Variants in GCA observed in about 807,000 individuals in gnomAD.
The protein encoded by GCA is grancalcin.
Under a neutral mutation model 32.6 loss-of-function variants are expected in GCA, and 30 were observed. The observed-to-expected ratio is 0.92, with a 90% CI of 0.69 to 1.25. GCA has a LOEUF of 1.25. Ranked by LOEUF, GCA falls within the 50% of genes most tolerant of loss-of-function variation. The pLI is 0.00. For missense variants in GCA, 291 were observed against 266.8 expected, an observed-to-expected ratio of 1.09 and a Z score of -0.63; for synonymous variants, 102 against 84.6, an observed-to-expected ratio of 1.21 and a Z score of -1.13.
rs1424586458 is a variant in GCA at position 162,359,047 on chromosome 2, A to G, written c.458A>G (p.Tyr153Cys). The change falls in exon 6 of 8, where the codon TAT becomes TGT. Residue 153 changes from tyrosine (Y) to cysteine (C), a missense_variant. By Grantham distance (194) the Tyr-to-Cys change is radical (BLOSUM62 -2). Coordinates refer to ENST00000437150, the MANE Select transcript of GCA (RefSeq NM_012198.5). Reference protein sequence around the residue: ...ELRQAIGLMGYRLSPQTLTTI... With the variant: ...ELRQAIGLMGCRLSPQTLTTI... Reference sequence around the variant, plus strand: ...TTTTAATTTATCTCTTTTTTAGGTTATAGGTTGAGTCCTCAAACATTAACT... The same window carrying G: ...TTTTAATTTATCTCTTTTTTAGGTTGTAGGTTGAGTCCTCAAACATTAACT... 1 of 1,477,916 alleles carries G rather than the reference A, an allele frequency of 6.8e-7. No homozygotes were observed. Among genetic ancestry groups the G allele is most frequent in the Non-Finnish European group, 9.4e-7 (1 of 1,060,556 alleles). 91.6% of individuals were successfully genotyped at this position (1,477,916 alleles called of 1,614,324 possible).
chr2:162,345,712 C>G (rs1047892798), intron 1 of GCA, among the ~76,000 whole-genome samples: 1 of 152,100 alleles, frequency 6.6e-6, no homozygotes, highest in African/African-American at 2.4e-5. Flanking sequence ...CCCTCAATAG[C>G]TGAAGCAATA....
At chr2:162,332,371 T>C (rs1684127537) in intron 1 of GCA, among the ~76,000 whole-genome samples, 1 of 146,766 alleles carries the variant, frequency 6.8e-6, no homozygotes, top group Admixed American at 6.8e-5. Flanking sequence ...TTATATGATA[T>C]ATAAATTATA....
intron 1 of GCA, among the ~76,000 whole-genome samples, chr2:162,346,883 A>T (rs889780561): frequency 6.6e-6 from 1 of 152,202 alleles, no homozygotes; most frequent in Non-Finnish European, 1.5e-5. Context: ...ACTAGATCAC[A>T]TAATCTGTAA....
chr2:162,358,160 T>A (rs1685380981), intron 5 of GCA, among the ~76,000 whole-genome samples: 1 of 151,570 alleles, frequency 6.6e-6, no homozygotes, highest in South Asian at 2.1e-4. Flanking sequence ...ACAAATCCAG[T>A]AATGTATGGG....
rs377224515 is a variant in GCA at position 162,360,260 on chromosome 2, A to G, written c.*17A>G. The G allele has an allele frequency of 2.5e-6, 4 of 1,582,930 alleles. No individual in the cohort carries two copies. The African/African-American group carries it at 5.5e-5, about 22-fold the overall frequency. ...GCAATTTGAATGCTTAGAATTTTAA[A>G]CCTGAAGAGACACTGTGAATTCTTT... is the stretch of plus-strand genomic sequence containing the variant. On this transcript the variant is annotated 3_prime_UTR_variant, in exon 8 of 8. Transcript: ENST00000437150.
chr2:162,374,254 T>C (rs1686080411), downstream of GCA, among the ~76,000 whole-genome samples: 1 of 152,204 alleles, frequency 6.6e-6, no homozygotes, highest in Non-Finnish European at 1.5e-5. Flanking sequence ...CTTTGGTATG[T>C]AAGAAGCAGA....
upstream of GCA, among the ~76,000 whole-genome samples, chr2:162,341,381 T>C (rs1183850115): frequency 1.3e-5 from 2 of 150,070 alleles, no homozygotes; most frequent in African/African-American, 4.9e-5. Context: ...CCCTCATTCA[T>C]ATAGTGGGAA....
At chr2:162,350,161 A>G (rs1277978445) in intron 2 of GCA, among the ~76,000 whole-genome samples, 3 of 152,202 alleles carry the variant, frequency 2.0e-5, no homozygotes, top group Non-Finnish European at 4.4e-5. Context: ...TAGGTGCAGT[A>G]TCTTTGGAAA....
chr2:162,371,847 A>G (rs749426625), downstream of GCA: 1 of 1,609,208 alleles, frequency 6.2e-7, no homozygotes, highest in East Asian at 2.2e-5. Flanking sequence ...CTGGAAGACC[A>G]GGATCAGAAA....
intron 3 of GCA, among the ~76,000 whole-genome samples, chr2:162,356,114 T>C (rs1323942262): frequency 1.3e-5 from 2 of 152,098 alleles, no homozygotes; most frequent in African/African-American, 4.8e-5. Context: ...ATTTGTGTTA[T>C]GAAGACTGGA....
At chr2:162,346,836 T>C (rs1489904029) in intron 1 of GCA, among the ~76,000 whole-genome samples, 2 of 152,246 alleles carry the variant, frequency 1.3e-5, no homozygotes, top group Admixed American at 6.5e-5. Context: ...TGTTTTTGAA[T>C]CTTTACTATT....
In GCA at chr2:162,360,896, T is replaced by A; in HGVS notation, c.*653T>A. The A allele has an allele frequency of 8.8e-7, 1 of 1,136,522 alleles. No homozygotes were observed. Among genetic ancestry groups the A allele is most frequent in the Non-Finnish European group, 1.1e-6 (1 of 912,586 alleles). The allele number at this position is 1,136,522 out of a possible 1,614,324, so 70.4% of individuals were successfully genotyped here. On this transcript the variant is annotated 3_prime_UTR_variant, in exon 8 of 8. Transcript: ENST00000437150. ...CTTAAATATGTTTTATTGTCTTCTC[T>A]AAGCAAAAAGTTCTTAATAAACATA...
chr2:162,338,934 C>G (rs1334484863), intron 1 of GCA, among the ~76,000 whole-genome samples: 1 of 152,032 alleles, frequency 6.6e-6, no homozygotes, highest in Admixed American at 6.6e-5. Flanking sequence ...TTCTGAAGAG[C>G]CTTGTTAACA....
chr2:162,325,156 A>G (rs1683830298), intron 1 of GCA, among the ~76,000 whole-genome samples: 1 of 152,220 alleles, frequency 6.6e-6, no homozygotes, highest in Non-Finnish European at 1.5e-5. Flanking sequence ...AAAGAAATTA[A>G]ACCTCTTATG....
Position 162,356,781 on chromosome 2 carries a change from A to G in GCA, c.330A>G (p.Gly110=). 2 of 1,607,784 alleles carry G rather than the reference A, an allele frequency of 1.2e-6. No individual in the cohort carries two copies. The highest frequency in any genetic ancestry group is 1.7e-6 in the Non-Finnish European group (2 of 1,175,932). The change falls in exon 5 of 8, where the codon GGA becomes GGG. Residue 110 remains glycine (G), a synonymous_variant. Transcript: ENST00000437150. The part of the protein sequence containing the change: ...MLDRDHTGKM[G]FNAFKELWAA... ...AGAGAGATCACACAGGAAAAATGGG[A>G]TTTAATGCATTCAAAGAGCTATGGG...
chr2:162,368,106 C>CTAGA (rs1685814661), downstream of GCA, among the ~76,000 whole-genome samples: 1 of 151,910 alleles, frequency 6.6e-6, no homozygotes, highest in Non-Finnish European at 1.5e-5. Flanking sequence ...TTCTGATTTA[C>CTAGA]TAGATCTGGG....
intron 3 of GCA, among the ~76,000 whole-genome samples, chr2:162,354,768 A>G (rs1443055557): frequency 1.3e-5 from 2 of 151,972 alleles, no homozygotes; most frequent in African/African-American, 4.8e-5. Context: ...AAATTTTGTT[A>G]CTTTGTTTCC....
chr2:162,330,722 G>A (rs1266347971), intron 1 of GCA, among the ~76,000 whole-genome samples: 1 of 152,176 alleles, frequency 6.6e-6, no homozygotes, highest in African/African-American at 2.4e-5. Context: ...TCTTCCATCA[G>A]AGGTGAGAAC....
At chr2:162,369,343 CTCAG>C (rs1373933737) in intron 4 of GCA, among the ~76,000 whole-genome samples, 1 of 152,062 alleles carries the variant, frequency 6.6e-6, no homozygotes, top group Non-Finnish European at 1.5e-5. Context: ...CTTTATATTG[CTCAG>C]TCTCTTTTTA....
Sources: allele counts gnomAD v4.1 joint callset (sites outside exome capture counted in the v4.1 genomes callset), GRCh38; gene constraint gnomAD v4.1.1; transcripts MANE v1.5; gene names NCBI Gene and HGNC (gene_info 2026-07-23, HGNC 2026-07-21).